The following KCNH5 variants were observed in gnomAD, a reference collection of about 807,000 sequenced individuals.
KCNH5 encodes voltage-gated delayed rectifier potassium channel KCNH5.
In KCNH5, 46 loss-of-function variants were observed where a neutral mutation model predicts 96.1. The observed-to-expected ratio is 0.48, with a 90% CI of 0.38 to 0.61. KCNH5 has a LOEUF of 0.61. Among genes scored for constraint, KCNH5 ranks in the 20% least tolerant of loss-of-function variants. The probability of loss-of-function intolerance (pLI) is 0.00; values close to 1 mark genes in which losing one functional copy is unlikely to be tolerated. For synonymous variants in KCNH5, 439 were observed against 449.8 expected (o/e 0.98, Z 0.30); for missense variants, 907 against 1,225.8 (o/e 0.74, Z 3.88).
chr14:62,875,390 C>G lies in KCNH5; in HGVS notation c.1370-25538G>C, dbSNP rs533645446. ...AAAGAGCCCGCATCGCCAAGTCAATCCTAAGCCAAAAGAACAAAGCTGGAG... is the reference window on the plus strand; with the variant it reads ...AAAGAGCCCGCATCGCCAAGTCAATGCTAAGCCAAAAGAACAAAGCTGGAG... On this transcript the variant is annotated intron_variant, in intron 7 of 10. Coordinates refer to ENST00000322893, the MANE Select transcript of KCNH5 (RefSeq NM_139318.5). Among the ~76,000 whole-genome samples the G allele has an allele frequency of 3.9e-5, 6 of 152,250 alleles. No individual in the cohort carries two copies. In the South Asian group the frequency reaches 1.0e-3, roughly 26 times the overall value.
intron 7 of KCNH5, among the ~76,000 whole-genome samples, chr14:62,902,195 A>T (rs1231865516): frequency 6.7e-6 from 1 of 150,286 alleles, no homozygotes; most frequent in African/African-American, 2.4e-5. Context: ...TTCTTTTGCT[A>T]TGCATAACCT....
intron 2 of KCNH5, among the ~76,000 whole-genome samples, chr14:63,012,246 C>G (rs1891243022): frequency 6.6e-6 from 1 of 152,104 alleles, no homozygotes; most frequent in Non-Finnish European, 1.5e-5. Flanking sequence ...CTCCAATAAA[C>G]AGCAAAACAG....
chr14:63,044,133 GT>G (rs1891877834), intron 1 of KCNH5, among the ~76,000 whole-genome samples: 1 of 152,134 alleles, frequency 6.6e-6, no homozygotes, highest in Non-Finnish European at 1.5e-5. Flanking sequence ...AGCAAGAGAT[GT>G]CAAAATAACA....
intron 7 of KCNH5, among the ~76,000 whole-genome samples, chr14:62,864,881 C>CT (rs1888103514): frequency 6.6e-6 from 1 of 152,128 alleles, no homozygotes; most frequent in African/African-American, 2.4e-5. Flanking sequence ...TTTACAATCC[C>CT]TGCAGTAGGC....
rs141293467 is a variant in KCNH5, at chr14:63,001,335, T to C, written c.429A>G (p.Thr143=). 21 of 1,594,586 alleles carry C rather than the reference T, an allele frequency of 1.3e-5. No individual in the cohort carries two copies. The highest frequency in any genetic ancestry group is 1.8e-5 in the Non-Finnish European group (21 of 1,172,432). Residue 143 remains threonine (T), a synonymous_variant, in exon 4 of 11, where the codon ACA becomes ACG. Transcript: ENST00000322893. ...AGTAATTCTTTTGAAAATTACCTTT[T>C]GTTGAATCATCCTCTATTGGCTGTT... ...LFKQPIEDDS[T]KGWTKFARLT... is the part of the protein sequence containing the mutation.
chr14:62,831,567 A>T (rs976079656), intron 8 of KCNH5, among the ~76,000 whole-genome samples: 8 of 152,006 alleles, frequency 5.3e-5, no homozygotes, highest in Non-Finnish European at 1.2e-4. Context: ...CTATTATGTT[A>T]TCCATATATT....
intron 10 of KCNH5, among the ~76,000 whole-genome samples, chr14:62,714,751 T>G (rs1296329936): frequency 4.6e-5 from 7 of 152,212 alleles, no homozygotes; most frequent in Admixed American, 4.6e-4. Flanking sequence ...CAATGTAGTA[T>G]TAAAAGAAAT....
intron 6 of KCNH5, among the ~76,000 whole-genome samples, chr14:62,957,427 T>C (rs12878074): frequency 1.9e-4 from 29 of 152,220 alleles, no homozygotes; most frequent in Non-Finnish European, 3.8e-4. Context: ...CCCAGTTGCA[T>C]GATTTTGCAC....
chr14:62,897,742 T>C (rs1334398911), intron 7 of KCNH5, among the ~76,000 whole-genome samples: 1 of 152,158 alleles, frequency 6.6e-6, no homozygotes, highest in African/African-American at 2.4e-5. Flanking sequence ...ATGAAACTAT[T>C]TTAGTTTTAC....
At chr14:63,009,472 T>C (rs1299600367) in intron 2 of KCNH5, among the ~76,000 whole-genome samples, 1 of 152,152 alleles carries the variant, frequency 6.6e-6, no homozygotes, top group African/African-American at 2.4e-5. Context: ...CCGAATGCGG[T>C]TTTTAAAATA....
intron 10 of KCNH5, among the ~76,000 whole-genome samples, chr14:62,728,390 G>A (rs202223094): frequency 0.011 from 1,362 of 126,218 alleles, no homozygotes; most frequent in African/African-American, 0.012. Context: ...CTGTCTCAAA[G>A]AAAAAAAAAA....
intron 10 of KCNH5, among the ~76,000 whole-genome samples, chr14:62,729,822 C>G (rs1228383840): frequency 6.6e-6 from 1 of 152,114 alleles, no homozygotes; most frequent in Non-Finnish European, 1.5e-5. Context: ...TCTGCAAAAC[C>G]CACTCTTTTG....
intron 1 of KCNH5, among the ~76,000 whole-genome samples, chr14:63,033,829 A>T (rs138717896): frequency 0.019 from 2,940 of 151,464 alleles, 50 homozygotes; most frequent in Non-Finnish European, 0.031. Flanking sequence ...AAAAAAAAGG[A>T]GGGGGTGGGT....
chr14:62,964,068 A>C (rs930471720), intron 6 of KCNH5, among the ~76,000 whole-genome samples: 2 of 152,108 alleles, frequency 1.3e-5, no homozygotes, highest in African/African-American at 2.4e-5. Flanking sequence ...ATGAAGAAGG[A>C]GTTCAAAGAG....
At chr14:63,022,444 TTTTGTTTGTTTG>T (rs113415553) in intron 1 of KCNH5, among the ~76,000 whole-genome samples, 108 of 152,050 alleles carry the variant, frequency 7.1e-4, no homozygotes, top group Non-Finnish European at 1.1e-3. Flanking sequence ...CAAACGAGTT[TTTTGTTTGTTTG>T]TTTGTTTGTT....
intron 7 of KCNH5, among the ~76,000 whole-genome samples, chr14:62,883,769 T>A (rs1261421091): frequency 6.6e-6 from 1 of 151,826 alleles, no homozygotes; most frequent in Non-Finnish European, 1.5e-5. Flanking sequence ...ATAATAATAA[T>A]AATACTATTA....
intron 9 of KCNH5, among the ~76,000 whole-genome samples, chr14:62,798,611 T>A (rs1190600246): frequency 6.6e-6 from 1 of 152,172 alleles, no homozygotes; most frequent in East Asian, 1.9e-4. Context: ...TGAAAGAACT[T>A]CAAATTGAAA....
chr14:62,735,562 A>G (rs1397883237), intron 10 of KCNH5, among the ~76,000 whole-genome samples: 2 of 152,176 alleles, frequency 1.3e-5, no homozygotes, highest in East Asian at 3.9e-4. Context: ...AATCATATCT[A>G]GTACTTATTG....
At position 62,704,237 on chromosome 14, in the gene KCNH5, T is replaced by C. The variant is rs531407610; in HGVS notation, c.*3271A>G. ...CATAAAGTTGTTTGTAAAAAATACT[T>C]AGGACATTTTTAGTCCTATACTTAA... On this transcript the variant is annotated 3_prime_UTR_variant, in exon 11 of 11. Transcript: ENST00000322893. 5 of 152,042 alleles carry C rather than the reference T, an allele frequency of 3.3e-5. No individual in the cohort carries two copies. Among genetic ancestry groups the C allele is most frequent in the African/African-American group, 1.2e-4 (5 of 41,552 alleles). 9.4% of individuals were successfully genotyped at this position (152,042 alleles called of 1,614,324 possible). A position where few individuals can be genotyped will look rare whatever the true frequency, so the allele number is the denominator to read the frequency against.
Sources: allele counts gnomAD v4.1 joint callset (sites outside exome capture counted in the v4.1 genomes callset), GRCh38; gene constraint gnomAD v4.1.1; transcripts MANE v1.5; gene names NCBI Gene and HGNC (gene_info 2026-07-23, HGNC 2026-07-21).